The following CFAP299 variants were observed in gnomAD, a reference collection of about 807,000 sequenced individuals.
CFAP299 encodes cilia and flagella associated protein 299.
A neutral mutation model predicts 27.0 loss-of-function variants in CFAP299; 21 were observed. That is an observed-to-expected ratio of 0.78 (90% CI 0.55 to 1.12). The LOEUF (loss-of-function observed/expected upper bound fraction) is 1.12, where lower values mean the gene tolerates loss of function less well. Ranked by LOEUF, CFAP299 falls within the 50% of genes most tolerant of loss-of-function variation. CFAP299 has a pLI of 0.00. For synonymous variants in CFAP299, 104 were observed against 98.1 expected (o/e 1.06, Z -0.36); for missense variants, 310 against 276.6 (o/e 1.12, Z -0.86).
intron 2 of CFAP299, among the ~76,000 whole-genome samples, chr4:80,453,524 C>A (rs1728994036): frequency 6.6e-6 from 1 of 151,622 alleles, no homozygotes; most frequent in Non-Finnish European, 1.5e-5. Flanking sequence ...TTTCATATAC[C>A]CATTCTTCAA....
chr4:80,367,633 C>T (rs1036751728), intron 2 of CFAP299, among the ~76,000 whole-genome samples: 4 of 151,500 alleles, frequency 2.6e-5, no homozygotes, highest in Middle Eastern at 6.8e-3. Context: ...CTAGCTTTCT[C>T]GTCCTTTGCT....
At chr4:80,920,720 C>T (rs1321897454) in intron 4 of CFAP299, among the ~76,000 whole-genome samples, 3 of 152,092 alleles carry the variant, frequency 2.0e-5, no homozygotes. Context: ...CTTCCTGCAA[C>T]TGGAAGGGGT....
At chr4:80,865,868 A>G (rs148756096) in intron 3 of CFAP299, among the ~76,000 whole-genome samples, 1 of 127,216 alleles carries the variant, frequency 7.9e-6, no homozygotes, top group Admixed American at 9.1e-5. Flanking sequence ...GAATTGAACA[A>G]TGAAAACACT....
chr4:80,536,237 A>G (rs1178696765), intron 2 of CFAP299, among the ~76,000 whole-genome samples: 1 of 152,152 alleles, frequency 6.6e-6, no homozygotes, highest in Non-Finnish European at 1.5e-5. Context: ...ACCATTGAAA[A>G]TATTTCAGTA....
intron 4 of CFAP299, chr4:80,871,509 T>G: frequency 5.1e-6 from 5 of 985,420 alleles, no homozygotes; most frequent in Non-Finnish European, 6.0e-6. Context: ...ATGTTCAAAA[T>G]TAAATTCATT....
intron 1 of CFAP299, among the ~76,000 whole-genome samples, chr4:80,345,141 G>A (rs777132050): frequency 8.5e-5 from 13 of 152,138 alleles, no homozygotes; most frequent in Non-Finnish European, 1.8e-4. Context: ...TCTGACCAGG[G>A]CAATCAGGCA....
intron 3 of CFAP299, among the ~76,000 whole-genome samples, chr4:80,633,258 CA>C (rs1367661783): frequency 6.6e-6 from 1 of 152,070 alleles, no homozygotes; most frequent in East Asian, 1.9e-4. Flanking sequence ...ACCAGCCTGG[CA>C]AGCATGGTGA....
intron 3 of CFAP299, among the ~76,000 whole-genome samples, chr4:80,689,755 A>T (rs1432356227): frequency 6.6e-6 from 1 of 152,232 alleles, no homozygotes; most frequent in Non-Finnish European, 1.5e-5. Context: ...GGCAAATTGG[A>T]TAAGGAGTCA....
chr4:80,455,964 A>G (rs1429181951), intron 2 of CFAP299, among the ~76,000 whole-genome samples: 2 of 152,186 alleles, frequency 1.3e-5, no homozygotes, highest in Non-Finnish European at 2.9e-5. Context: ...AAAAAAAGAT[A>G]TGCTATGATA....
At chr4:80,943,518 A>G (rs1366931565) in intron 4 of CFAP299, among the ~76,000 whole-genome samples, 2 of 152,146 alleles carry the variant, frequency 1.3e-5, no homozygotes, top group Admixed American at 1.3e-4. Flanking sequence ...TAAATATTAC[A>G]AACATTTGAG....
At chr4:80,620,116 G>C (rs188661171) in intron 3 of CFAP299, among the ~76,000 whole-genome samples, 159 of 152,198 alleles carry the variant, frequency 1.0e-3, no homozygotes, top group African/African-American at 3.6e-3. Context: ...ATTTTCATGA[G>C]TTAAATGTAT....
intron 2 of CFAP299, among the ~76,000 whole-genome samples, chr4:80,574,504 C>A (rs1038638971): frequency 2.0e-5 from 3 of 151,996 alleles, no homozygotes; most frequent in African/African-American, 4.8e-5. Flanking sequence ...ATGTGGAGTA[C>A]AGTGGAGAAA....
chr4:80,763,402 G>A (rs979170431), intron 3 of CFAP299, among the ~76,000 whole-genome samples: 42 of 152,088 alleles, frequency 2.8e-4, no homozygotes, highest in Non-Finnish European at 2.6e-4. Flanking sequence ...TAAAAGGGAC[G>A]TGAAGGACCT....
At chr4:80,503,385 A>C (rs537302368) in intron 2 of CFAP299, among the ~76,000 whole-genome samples, 2 of 152,212 alleles carry the variant, frequency 1.3e-5, no homozygotes, top group South Asian at 4.2e-4. Context: ...TCTCTTACCC[A>C]ATATCCAAAG....
At chr4:80,416,247 C>T (rs972028560) in intron 2 of CFAP299, among the ~76,000 whole-genome samples, 4 of 152,158 alleles carry the variant, frequency 2.6e-5, no homozygotes, top group Non-Finnish European at 4.4e-5. Context: ...GCCAACTTGA[C>T]GTTGAAATTT....
chr4:80,853,875 T>G lies in CFAP299; in HGVS notation c.334-16118T>G, dbSNP rs150768514. 1.1e-3 allele frequency among the ~76,000 whole-genome samples: 173 copies of G among 152,280 alleles called. 2 individuals carry two copies. The highest frequency in any genetic ancestry group is 3.4e-3 in the Middle Eastern group (1 of 294). On this transcript the variant is annotated intron_variant, in intron 3 of 5. Coordinates refer to ENST00000358105, the MANE Select transcript of CFAP299 (RefSeq NM_152770.3). ...CAGGATATTAAAAGAAGTTGTGTGA[T>G]GGACATGTTCAGTTTCAGTTGTCTA...
rs532492478 is a variant in CFAP299 at position 80,863,743 on chromosome 4, C to G, written c.334-6250C>G. ...TTTTTTAATGCTTTTGTTGGTTGTACCTTGACTTGTTCTAGATAGGATTAA... is the reference window on the plus strand; with the variant it reads ...TTTTTTAATGCTTTTGTTGGTTGTAGCTTGACTTGTTCTAGATAGGATTAA... On this transcript the variant is annotated intron_variant, in intron 3 of 5. Transcript: ENST00000358105. 2.5e-4 allele frequency among the ~76,000 whole-genome samples: 38 copies of G among 151,800 alleles called. 2 individuals are homozygous for G. The South Asian group carries it at 7.7e-3, about 31-fold the overall frequency.
At position 80,942,528 on chromosome 4, in the gene CFAP299, A is replaced by G. The variant is rs186057052; in HGVS notation, c.477-2282A>G. Among the ~76,000 whole-genome samples, 618 of 152,272 alleles carry G rather than the reference A, an allele frequency of 4.1e-3. 1 individual carries two copies. The highest frequency in any genetic ancestry group is 0.014 in the Middle Eastern group (4 of 292). On this transcript the variant is annotated intron_variant, in intron 4 of 5. Coordinates refer to ENST00000358105, the MANE Select transcript of CFAP299 (RefSeq NM_152770.3). The stretch of plus-strand genomic sequence containing the variant: ...AATAATCAGCTACTATAAAAAGCCT[A>G]TTTTCCATCTCTGCTTAGGAGAACA...
upstream of CFAP299, among the ~76,000 whole-genome samples, chr4:80,331,847 C>A (rs1721954080): frequency 6.6e-6 from 1 of 152,114 alleles, no homozygotes; most frequent in Non-Finnish European, 1.5e-5. Flanking sequence ...GTAAGTAAAG[C>A]AATAAGTGTG....
Sources: allele counts gnomAD v4.1 joint callset (sites outside exome capture counted in the v4.1 genomes callset), GRCh38; gene constraint gnomAD v4.1.1; transcripts MANE v1.5; gene names NCBI Gene and HGNC (gene_info 2026-07-23, HGNC 2026-07-21).